The following RFX3 variants were observed in gnomAD, a reference collection of about 807,000 sequenced individuals.
The protein encoded by RFX3 is regulatory factor X3.
Under a neutral mutation model 98.6 loss-of-function variants are expected in RFX3, and 14 were observed. The observed-to-expected ratio is 0.14, with a 90% confidence interval of 0.09 to 0.22. The LOEUF (loss-of-function observed/expected upper bound fraction) is 0.22. Ranked by LOEUF, RFX3 falls within the 10% of genes least tolerant of loss-of-function variation. RFX3 has a pLI of 1.00. For synonymous variants in RFX3, 383 were observed against 328.4 expected (o/e 1.17, Z -1.80); for missense variants, 639 against 926.9 (o/e 0.69, Z 4.03).
At chr9:3,325,063 T>C (rs949334020) in intron 4 of RFX3, among the ~76,000 whole-genome samples, 81 of 152,312 alleles carry the variant, frequency 5.3e-4, no homozygotes, top group African/African-American at 1.9e-3. Context: ...GAGAGACTCA[T>C]GTACTTTCTT....
At chr9:3,393,222 G>A (rs1840499621) in intron 2 of RFX3, among the ~76,000 whole-genome samples, 1 of 152,068 alleles carries the variant, frequency 6.6e-6, no homozygotes, top group East Asian at 1.9e-4. Context: ...GTTTAAAGAG[G>A]TCAATGTAGT....
chr9:3,508,097 T>C (rs1817289555), intron 1 of RFX3, among the ~76,000 whole-genome samples: 1 of 151,996 alleles, frequency 6.6e-6, no homozygotes, highest in African/African-American at 2.4e-5. Flanking sequence ...CTCTGAGCTA[T>C]TTCTAAAAAT....
At chr9:3,473,681 C>A (rs147031763) in intron 1 of RFX3, among the ~76,000 whole-genome samples, 2 of 152,186 alleles carry the variant, frequency 1.3e-5, no homozygotes, top group African/African-American at 4.8e-5. Flanking sequence ...CTGCTCCCAA[C>A]TGCTGAGCTG....
intron 2 of RFX3, among the ~76,000 whole-genome samples, chr9:3,352,628 T>A (rs1835279108): frequency 6.6e-6 from 1 of 151,928 alleles, no homozygotes; most frequent in Admixed American, 6.6e-5. Context: ...CATGCTGGAG[T>A]AAATACTACG....
At chr9:3,480,316 C>G (rs1350429516) in intron 1 of RFX3, among the ~76,000 whole-genome samples, 1 of 152,230 alleles carries the variant, frequency 6.6e-6, no homozygotes, top group East Asian at 1.9e-4. Context: ...CATGTGGCCT[C>G]TTTTCCACTG....
rs747211243 is a variant in RFX3, at chr9:3,247,997, AC to A, written c.1968+34del. Reference sequence around the variant, plus strand: ...GTGTAATTCTGGCTTATTTTTAATAACCCAGTGGGTCACAGCTCTTTCAGCC... The same window carrying A: ...GTGTAATTCTGGCTTATTTTTAATAACCAGTGGGTCACAGCTCTTTCAGCC... On this transcript the variant is annotated intron_variant, in intron 15 of 16. Coordinates refer to ENST00000617270, the MANE Select transcript of RFX3 (RefSeq NM_001282116.2). The A allele has an allele frequency of 3.1e-6, 5 of 1,614,000 alleles. No individual in the cohort carries two copies. In the South Asian group the frequency reaches 5.5e-5, roughly 18 times the overall value.
intron 16 of RFX3, among the ~76,000 whole-genome samples, chr9:3,226,697 C>A (rs1048499230): frequency 6.6e-6 from 1 of 152,044 alleles, no homozygotes; most frequent in Non-Finnish European, 1.5e-5. Context: ...TGGAGGGCTA[C>A]AGGGAGAGGG....
intron 14 of RFX3, among the ~76,000 whole-genome samples, chr9:3,253,722 T>G (rs1055014455): frequency 6.6e-6 from 1 of 152,202 alleles, no homozygotes; most frequent in African/African-American, 2.4e-5. Context: ...ACAAAAAATT[T>G]TAGAAATTAG....
At position 3,259,444 on chromosome 9, in the gene RFX3, A is replaced by C. The variant is rs78543581; in HGVS notation, c.1606-2245T>G. ...ATTGTAAATATTCCCTTGTGAAACG[A>C]ATGTAGATATTTCAAGTCTATAATT... On this transcript the variant is annotated intron_variant, in intron 13 of 16. Transcript: ENST00000617270. Among the ~76,000 whole-genome samples the C allele has an allele frequency of 6.2e-4, 95 of 152,096 alleles. 1 individual carries two copies. In the East Asian group the frequency reaches 0.017, roughly 27 times the overall value.
intron 1 of RFX3, among the ~76,000 whole-genome samples, chr9:3,408,612 T>TCA (rs373554738): frequency 0.017 from 2,486 of 147,756 alleles, 41 homozygotes; most frequent in East Asian, 0.045. Context: ...TCTCTCTCTC[T>TCA]CACACACACA....
chr9:3,439,299 G>C (rs181995460), intron 1 of RFX3, among the ~76,000 whole-genome samples: 1 of 151,860 alleles, frequency 6.6e-6, no homozygotes, highest in African/African-American at 2.4e-5. Context: ...CAAGTAATGA[G>C]AAGAGAGAAA....
Position 3,291,248 on chromosome 9 carries a change from G to A in RFX3, c.731+1829C>T, listed in dbSNP as rs572846681. 1.1e-4 allele frequency among the ~76,000 whole-genome samples: 17 copies of A among 152,144 alleles called. No individual in the cohort carries two copies. In the East Asian group the frequency reaches 2.7e-3, roughly 24 times the overall value. On this transcript the variant is annotated intron_variant, in intron 6 of 16. Coordinates refer to ENST00000617270, the MANE Select transcript of RFX3 (RefSeq NM_001282116.2). Reference sequence around the variant, plus strand: ...GGCGTGGTGGAGTGGGGTGGTGCCTGTAATCCGGGTTACTCGGGAGGCTGA... The same window carrying A: ...GGCGTGGTGGAGTGGGGTGGTGCCTATAATCCGGGTTACTCGGGAGGCTGA...
intron 14 of RFX3, among the ~76,000 whole-genome samples, chr9:3,250,369 A>G (rs1233097267): frequency 6.6e-6 from 1 of 152,082 alleles, no homozygotes; most frequent in Non-Finnish European, 1.5e-5. Context: ...CAAACATACA[A>G]AAACATGACT....
intron 2 of RFX3, among the ~76,000 whole-genome samples, chr9:3,371,951 A>C (rs1211478713): frequency 1.3e-5 from 2 of 152,196 alleles, no homozygotes; most frequent in Non-Finnish European, 2.9e-5. Context: ...GGTGGCTATA[A>C]ATTCATATCT....
rs531547363 is a variant in RFX3, at chr9:3,477,238, A to G, written c.-9+48509T>C. On this transcript the variant is annotated intron_variant, in intron 1 of 16. Coordinates refer to ENST00000617270, the MANE Select transcript of RFX3 (RefSeq NM_001282116.2). Reference sequence around the variant, plus strand: ...TAACAAAAACTTCAATCTATTATTCAATCTATTTGTACATGTCTTTCATAA... The same window carrying G: ...TAACAAAAACTTCAATCTATTATTCGATCTATTTGTACATGTCTTTCATAA... 3.0e-3 allele frequency among the ~76,000 whole-genome samples: 457 copies of G among 152,300 alleles called. 3 individuals carry two copies. The highest frequency in any genetic ancestry group is 0.011 in the African/African-American group (442 of 41,570).
chr9:3,331,012 A>C (rs1832537710), intron 3 of RFX3, among the ~76,000 whole-genome samples: 1 of 152,166 alleles, frequency 6.6e-6, no homozygotes, highest in African/African-American at 2.4e-5. Flanking sequence ...TCTTACCTCC[A>C]TAAGGATCTT....
At chr9:3,486,286 T>C (rs548916030) in intron 1 of RFX3, among the ~76,000 whole-genome samples, 16 of 152,256 alleles carry the variant, frequency 1.1e-4, no homozygotes, top group African/African-American at 3.6e-4. Context: ...CTGTCTTTTT[T>C]ATGACAAATA....
chr9:3,275,377 GA>G lies in RFX3; in HGVS notation c.1086+122del, dbSNP rs1825072889. ...AAAAATGAATTTGTTAGTGCTAAAA[GA>G]TACGCTCAAAAGAATTAGTGCTAAG... On this transcript the variant is annotated intron_variant, in intron 9 of 16. Coordinates refer to ENST00000617270, the MANE Select transcript of RFX3 (RefSeq NM_001282116.2). The G allele has an allele frequency of 1.3e-5, 7 of 545,430 alleles. No homozygotes were observed. In the South Asian group the frequency reaches 1.9e-4, roughly 15 times the overall value. The allele number at this position is 545,430 out of a possible 1,614,324, so 33.8% of individuals were successfully genotyped here. A position where few individuals can be genotyped will look rare whatever the true frequency, so the allele number is the denominator to read the frequency against.
intron 4 of RFX3, among the ~76,000 whole-genome samples, chr9:3,327,487 C>T (rs754546406): frequency 7.9e-5 from 12 of 152,000 alleles, no homozygotes; most frequent in Non-Finnish European, 1.6e-4. Context: ...TATATTTAGA[C>T]AAGTACCGCA....
Sources: allele counts gnomAD v4.1 joint callset (sites outside exome capture counted in the v4.1 genomes callset), GRCh38; gene constraint gnomAD v4.1.1; transcripts MANE v1.5; gene names NCBI Gene and HGNC (gene_info 2026-07-23, HGNC 2026-07-21).